The following DLG2 variants were observed in gnomAD, a reference collection of about 807,000 sequenced individuals.
DLG2 encodes the protein disks large homolog 2.
Under a neutral mutation model 132.5 loss-of-function variants are expected in DLG2, and 45 were observed. That is an observed-to-expected ratio of 0.34 (90% CI 0.27 to 0.44). The LOEUF is 0.44. DLG2 is among the 20% of genes least tolerant of loss of function. The pLI is 1.00. For missense variants in DLG2, 1,045 were observed against 1,196.9 expected, an observed-to-expected ratio of 0.87 and a Z score of 1.87; for synonymous variants, 424 against 419.6, an observed-to-expected ratio of 1.01 and a Z score of -0.13.
At chr11:84,341,262 A>G (rs2098513166) in intron 7 of DLG2, among the ~76,000 whole-genome samples, 1 of 152,156 alleles carries the variant, frequency 6.6e-6, no homozygotes, top group Non-Finnish European at 1.5e-5. Flanking sequence ...AGCCTAATAT[A>G]TAATAGTGGT....
chr11:83,579,336 T>C (rs2096931318), intron 19 of DLG2, among the ~76,000 whole-genome samples: 3 of 152,258 alleles, frequency 2.0e-5, no homozygotes, highest in African/African-American at 7.2e-5. Flanking sequence ...GCTGTTCTTA[T>C]TTGCTATTTG....
intron 8 of DLG2, among the ~76,000 whole-genome samples, chr11:84,225,249 G>T (rs1275678973): frequency 6.6e-6 from 1 of 152,156 alleles, no homozygotes; most frequent in East Asian, 1.9e-4. Flanking sequence ...AATAGCATTT[G>T]AGAGCTTCTA....
intron 6 of DLG2, among the ~76,000 whole-genome samples, chr11:84,876,513 T>G (rs572929947): frequency 1.8e-4 from 27 of 152,350 alleles, no homozygotes; most frequent in Non-Finnish European, 3.5e-4. Flanking sequence ...TGTATTTCTG[T>G]GGGATCAGTG....
At chr11:84,819,417 G>C (rs957705812) in intron 6 of DLG2, among the ~76,000 whole-genome samples, 1 of 151,780 alleles carries the variant, frequency 6.6e-6, no homozygotes, top group African/African-American at 2.4e-5. Context: ...GCCTTCACCA[G>C]TCCTCTTCAG....
chr11:83,749,922 A>G (rs2093192091), intron 18 of DLG2, among the ~76,000 whole-genome samples: 1 of 152,228 alleles, frequency 6.6e-6, no homozygotes, highest in Admixed American at 6.5e-5. Flanking sequence ...TTATGCTGTT[A>G]CTAATCAAAA....
chr11:84,723,102 C>T (rs776226928), intron 6 of DLG2, among the ~76,000 whole-genome samples: 5 of 152,098 alleles, frequency 3.3e-5, no homozygotes, highest in Non-Finnish European at 5.9e-5. Flanking sequence ...CTGGTTTTTC[C>T]AAGAGAATAG....
At chr11:83,772,876 T>C (rs2094452957) in intron 18 of DLG2, among the ~76,000 whole-genome samples, 1 of 152,188 alleles carries the variant, frequency 6.6e-6, no homozygotes, top group Non-Finnish European at 1.5e-5. Context: ...AACTGGCTAC[T>C]AATAGGGGCA....
chr11:84,234,451 G>C (rs776297414), intron 8 of DLG2, among the ~76,000 whole-genome samples: 16 of 152,144 alleles, frequency 1.1e-4, no homozygotes, highest in African/African-American at 2.9e-4. Context: ...AAAGTGCGTT[G>C]GTTCAGGACT....
chr11:84,447,236 A>G (rs1046027214), intron 7 of DLG2, among the ~76,000 whole-genome samples: 32 of 152,236 alleles, frequency 2.1e-4, no homozygotes, highest in African/African-American at 7.5e-4. Flanking sequence ...ACTATGTAAC[A>G]GTATTGATAA....
At chr11:84,879,894 T>C (rs2087012204) in intron 6 of DLG2, among the ~76,000 whole-genome samples, 1 of 152,148 alleles carries the variant, frequency 6.6e-6, no homozygotes, top group African/African-American at 2.4e-5. Context: ...GGCACTTAAA[T>C]AGACAAAAAC....
chr11:83,582,375 A>C (rs907272318), intron 19 of DLG2, among the ~76,000 whole-genome samples: 1 of 152,210 alleles, frequency 6.6e-6, no homozygotes, highest in Non-Finnish European at 1.5e-5. Flanking sequence ...AGACTTTTCC[A>C]ATTCAAGGAT....
intron 3 of DLG2, among the ~76,000 whole-genome samples, chr11:85,525,676 C>A (rs2074687873): frequency 6.6e-6 from 1 of 152,118 alleles, no homozygotes; most frequent in South Asian, 2.1e-4. Flanking sequence ...GCACAAAGGA[C>A]AGTAATGCCT....
chr11:84,145,180 T>C lies in DLG2; in HGVS notation c.624+18281A>G, dbSNP rs912965265. Among the ~76,000 whole-genome samples, 4 of 152,228 alleles carry C rather than the reference T, an allele frequency of 2.6e-5. No homozygotes were observed. In the South Asian group the frequency reaches 8.3e-4, roughly 32 times the overall value. ...AGCTTTGTCATTTCTATGCAAGTCT[T>C]TCCATTGCAGATTTTGTCTAAAAGC... On this transcript the variant is annotated intron_variant, in intron 9 of 27. Transcript: ENST00000376104.
intron 2 of DLG2, among the ~76,000 whole-genome samples, chr11:85,603,846 G>A (rs991646436): frequency 8.5e-5 from 13 of 152,180 alleles, no homozygotes; most frequent in Non-Finnish European, 1.8e-4. Flanking sequence ...AAGCCCAGGA[G>A]TTCGAGGCTT....
At position 83,909,705 on chromosome 11, in the gene DLG2, T is replaced by C. The variant is rs140105135; in HGVS notation, c.1496+20623A>G. On this transcript the variant is annotated intron_variant, in intron 15 of 27. Coordinates refer to ENST00000376104, the MANE Select transcript of DLG2 (RefSeq NM_001142699.3). ...AAATATCTGAAAAAAGAGAGACTTATGCTGGACCCAAGGGTCATTAATTGT... is the reference window on the plus strand; with the variant it reads ...AAATATCTGAAAAAAGAGAGACTTACGCTGGACCCAAGGGTCATTAATTGT... Among the ~76,000 whole-genome samples the C allele has an allele frequency of 3.5e-3, 532 of 152,304 alleles. 5 individuals carry two copies. The highest frequency in any genetic ancestry group is 0.012 in the African/African-American group (515 of 41,578).
chr11:84,853,175 T>A (rs1430612743), intron 6 of DLG2, among the ~76,000 whole-genome samples: 2 of 151,962 alleles, frequency 1.3e-5, no homozygotes, highest in African/African-American at 4.8e-5. Flanking sequence ...CCTGAGTCTG[T>A]GTTTTTAAAA....
rs148372783 is a variant in DLG2 at position 84,622,651 on chromosome 11, T to C, written c.358-87920A>G. 3.1e-3 allele frequency among the ~76,000 whole-genome samples: 471 copies of C among 152,236 alleles called. 5 individuals carry two copies. The highest frequency in any genetic ancestry group is 0.01 in the African/African-American group (432 of 41,562). ...CAAAGGTGACTATTTAGCTTGTGATTGAAGGATGAGAGCATTCTATGTGGG... is the reference window on the plus strand; with the variant it reads ...CAAAGGTGACTATTTAGCTTGTGATCGAAGGATGAGAGCATTCTATGTGGG... On this transcript the variant is annotated intron_variant, in intron 6 of 27. Transcript: ENST00000376104.
chr11:84,350,196 A>G (rs1350517911), intron 7 of DLG2, among the ~76,000 whole-genome samples: 1 of 151,356 alleles, frequency 6.6e-6, no homozygotes, highest in East Asian at 2.0e-4. Flanking sequence ...AAAAAAAAAA[A>G]AAAAAATCCA....
At chr11:84,362,593 T>C (rs963793960) in intron 7 of DLG2, among the ~76,000 whole-genome samples, 1 of 152,060 alleles carries the variant, frequency 6.6e-6, no homozygotes, top group African/African-American at 2.4e-5. Context: ...TGTGACATGC[T>C]GGTGCGCTGC....
Sources: gnomAD v4.1 joint callset for allele counts (sites outside exome capture counted in the v4.1 genomes callset) on GRCh38, gnomAD v4.1.1 for gene constraint, MANE v1.5 for transcripts, NCBI Gene and HGNC (gene_info 2026-07-23, HGNC 2026-07-21) for gene names.